ATG2B: variants seen among roughly 807,000 people sequenced by gnomAD.
The protein encoded by ATG2B is autophagy-related protein 2 homolog B.
ATG2B carries 121 observed loss-of-function variants against 241.3 expected under a neutral mutation model. That is an observed-to-expected ratio of 0.50 (90% CI 0.43 to 0.58). The LOEUF is 0.58. Ranked by LOEUF, ATG2B falls within the 20% of genes least tolerant of loss-of-function variation. The pLI is 0.00. For synonymous variants in ATG2B, 858 were observed against 876.6 expected, an observed-to-expected ratio of 0.98 and a Z score of 0.37; for missense variants, 2,306 against 2,491.6, an observed-to-expected ratio of 0.93 and a Z score of 1.59.
At chr14:96,340,731 A>G (rs1164854243) in intron 6 of ATG2B, among the ~76,000 whole-genome samples, 1 of 152,014 alleles carries the variant, frequency 6.6e-6, no homozygotes, top group Non-Finnish European at 1.5e-5. Context: ...TGGGCAACAT[A>G]GTGAGACCCT....
At chr14:96,294,811 G>C in intron 36 of ATG2B, 149 bp downstream of exon 36, 1 of 682,894 alleles carries the variant, frequency 1.5e-6, no homozygotes, top group Non-Finnish European at 2.4e-6. Flanking sequence ...AATTAGATGG[G>C]GACCACAAAC....
Position 96,281,024 on chromosome 14 carries a change from G to C in ATG2B, c.*4731C>G, listed in dbSNP as rs1159072772. The C allele has an allele frequency of 6.6e-6, 1 of 152,186 alleles. No individual in the cohort carries two copies. The highest frequency in any genetic ancestry group is 1.5e-5 in the Non-Finnish European group (1 of 68,044). The allele number at this position is 152,186 out of a possible 1,614,324, so 9.4% of individuals were successfully genotyped here. A position where few individuals can be genotyped will look rare whatever the true frequency, so the allele number is the denominator to read the frequency against. On this transcript the variant is annotated 3_prime_UTR_variant, in exon 42 of 42. Transcript: ENST00000359933. ...CTGCAAGTCCTTATTGCAGGGATAG[G>C]ATAACTAATAGAGGGACTAAAATCC...
Position 96,363,035 on chromosome 14 carries a change from G to A in ATG2B, c.-59C>T. The A allele has an allele frequency of 1.3e-6, 2 of 1,599,146 alleles. No individual in the cohort carries two copies. Among genetic ancestry groups the A allele is most frequent in the Middle Eastern group, 1.9e-4 (1 of 5,224 alleles). The stretch of plus-strand genomic sequence containing the variant: ...CGGGTTGCGACGGCTCCGGCCTCGG[G>A]GTAGCGACTCCGGCTCCAGGCCGCG... On this transcript the variant is annotated 5_prime_UTR_variant, in exon 1 of 42. Transcript: ENST00000359933.
chr14:96,325,335 TAAC>T (rs1201507046), intron 15 of ATG2B, among the ~76,000 whole-genome samples: 2 of 152,214 alleles, frequency 1.3e-5, no homozygotes, highest in East Asian at 1.9e-4. Context: ...CAGTGGCACT[TAAC>T]AAGTTCTATT....
intron 23 of ATG2B, among the ~76,000 whole-genome samples, chr14:96,313,766 C>T (rs1475321638): frequency 1.3e-5 from 2 of 152,024 alleles, no homozygotes; most frequent in African/African-American, 2.4e-5. Flanking sequence ...AATGCAGAAG[C>T]CTATCCAACA....
intron 21 of ATG2B, among the ~76,000 whole-genome samples, chr14:96,316,148 G>C (rs1413209433): frequency 6.6e-6 from 1 of 152,206 alleles, no homozygotes; most frequent in Non-Finnish European, 1.5e-5. Flanking sequence ...TAGAAACAGA[G>C]TGTAGGTTAG....
Position 96,362,933 on chromosome 14 carries a change from C to T in ATG2B, c.44G>A (p.Arg15Gln), listed in dbSNP as rs778790744. 1 of 1,613,482 alleles carries T rather than the reference C, an allele frequency of 6.2e-7. No individual in the cohort carries two copies. Among genetic ancestry groups the T allele is most frequent in the African/African-American group, 1.3e-5 (1 of 74,940 alleles). Residue 15 changes from arginine to glutamine, a missense_variant, in exon 1 of 42, where the codon CGG becomes CAG. Arg to Gln is a conservative substitution (Grantham distance 43). Around this residue, in one of 2 missense-constraint regions of ATG2B, gnomAD observed 1,927 missense variants for 2,011.2 expected, o/e 0.96. Transcript: ENST00000359933. ...FSESIKKRAC[R>Q]YLLQRYLGHF... ...GCCCAGGTACCTCTGCAGGAGGTACCGGCAGGCCCTCTTCTTGATGGACTC... is the reference window on the plus strand; with the variant it reads ...GCCCAGGTACCTCTGCAGGAGGTACTGGCAGGCCCTCTTCTTGATGGACTC...
chr14:96,301,567 A>C (rs1886791832), intron 34 of ATG2B, among the ~76,000 whole-genome samples: 1 of 152,170 alleles, frequency 6.6e-6, no homozygotes, highest in Admixed American at 6.5e-5. Context: ...GGAAAGTCTA[A>C]ATCTCTGTTG....
At chr14:96,295,773 A>C (rs1886624604) in intron 34 of ATG2B, among the ~76,000 whole-genome samples, 1 of 151,726 alleles carries the variant, frequency 6.6e-6, no homozygotes, top group African/African-American at 2.4e-5. Context: ...TTCCCTTTTA[A>C]TTCTCATAAC....
In ATG2B at chr14:96,291,682, C is replaced by T. The variant is rs1200063788; in HGVS notation, c.5497G>A (p.Gly1833Ser). Residue 1833 changes from glycine to serine, a missense_variant and splice_region_variant, in exon 38 of 42, where the codon GGT becomes AGT. By Grantham distance (56) the Gly-to-Ser change is moderately conservative. Coordinates refer to ENST00000359933, the MANE Select transcript of ATG2B (RefSeq NM_018036.7). ...CCAATCAAAATCCCAGCTAGCGTAC[C>T]CTTCAAAATTAAAAAAGGCCAAATT... ...YHGKHVSMDQ[G>S]TLAGILIGLA... is the part of the protein sequence containing the mutation. 6.2e-7 allele frequency: 1 copy of T among 1,600,634 alleles called. No individual in the cohort carries two copies. Among genetic ancestry groups the T allele is most frequent in the Non-Finnish European group, 8.5e-7 (1 of 1,171,724 alleles).
In ATG2B at chr14:96,322,755, TA is replaced by T; in HGVS notation, c.2541-21del. 2 of 1,602,580 alleles carry T rather than the reference TA, an allele frequency of 1.2e-6. No homozygotes were observed. Among genetic ancestry groups the T allele is most frequent in the Non-Finnish European group, 1.7e-6 (2 of 1,174,350 alleles). On this transcript the variant is annotated intron_variant, in intron 16 of 41. Coordinates refer to ENST00000359933, the MANE Select transcript of ATG2B (RefSeq NM_018036.7). ...ACAATTCTGATAGCAAAGACAATTT[TA>T]AAAAGACCAAGATCTAAGTGTAAAC...
At chr14:96,350,028 T>TA (rs1195202271) in intron 1 of ATG2B, among the ~76,000 whole-genome samples, 1 of 152,102 alleles carries the variant, frequency 6.6e-6, no homozygotes, top group Non-Finnish European at 1.5e-5. Context: ...TAGTGGCACA[T>TA]ACCCGTAATC....
Position 96,290,383 on chromosome 14 carries a change from A to G in ATG2B, c.5856+53T>C. ...TATCGTTTTAAAAACAAAAGGACCC[A>G]ACCATTTCACAATGGCTCTTTTTGG... On this transcript the variant is annotated intron_variant, in intron 40 of 41. Transcript: ENST00000359933. The surrounding 1 kb of genome is among the most constrained non-coding windows in gnomAD (Gnocchi z 4.4). The G allele has an allele frequency of 6.3e-7, 1 of 1,580,596 alleles. No individual in the cohort carries two copies. Among genetic ancestry groups the G allele is most frequent in the South Asian group, 1.1e-5 (1 of 87,146 alleles).
intron 6 of ATG2B, among the ~76,000 whole-genome samples, chr14:96,340,158 T>TCATATATGATATATATAA: frequency 7.0e-6 from 1 of 142,582 alleles, no homozygotes. Context: ...AATATATATA[T>TCATATATGATATATATAA]CATATATGAT....
Position 96,317,761 on chromosome 14 carries a change from T to C in ATG2B, c.2974A>G (p.Ser992Gly), listed in dbSNP as rs1294892336. 1 of 1,613,354 alleles carries C rather than the reference T, an allele frequency of 6.2e-7. No individual in the cohort carries two copies. Residue 992 changes from serine (S) to glycine (G), a missense_variant, in exon 19 of 42, where the codon AGT (serine) becomes GGT (glycine). Transcript: ENST00000359933. ...ISYGIGLSVA[S>G]QLINTFNKDS... ...TTGTTGAAAGTATTAATGAGCTGAC[T>C]GGCTACTGAAAGCCCAATGCCATAG...
intron 32 of ATG2B, among the ~76,000 whole-genome samples, 193 bp downstream of exon 32, chr14:96,304,302 T>C (rs1245112501): frequency 6.6e-6 from 1 of 152,036 alleles, no homozygotes; most frequent in Non-Finnish European, 1.5e-5. Context: ...CAAACAAAAA[T>C]AAAAGAAAAA....
At position 96,329,577 on chromosome 14, in the gene ATG2B, T is replaced by C. The variant is rs1455356959; in HGVS notation, c.1788A>G (p.Arg596=). The change falls in exon 12 of 42, where the codon CGA becomes CGG. Residue 596 remains arginine (R), a synonymous_variant. Coordinates refer to ENST00000359933, the MANE Select transcript of ATG2B (RefSeq NM_018036.7). ...SYEQRQRSAS[R]YFSTDMSIGQ... ...CAATGGACATATCAGTACTAAAATA[T>C]CGGGAAGCTGATCTTTGTCTTTGTT... 3 of 1,611,362 alleles carry C rather than the reference T, an allele frequency of 1.9e-6. No homozygotes were observed. The highest frequency in any genetic ancestry group is 2.5e-6 in the Non-Finnish European group (3 of 1,177,812).
rs553355852 is a variant in ATG2B at position 96,300,617 on chromosome 14, G to A, written c.5139+1390C>T. Reference sequence around the variant, plus strand: ...CAAAGTCTTGTTCACACTGGTGATCGCCACAGATCAATTTTCCCACAAATA... The same window carrying A: ...CAAAGTCTTGTTCACACTGGTGATCACCACAGATCAATTTTCCCACAAATA... On this transcript the variant is annotated intron_variant, in intron 34 of 41. Coordinates refer to ENST00000359933, the MANE Select transcript of ATG2B (RefSeq NM_018036.7). Among the ~76,000 whole-genome samples the A allele has an allele frequency of 3.9e-5, 6 of 152,270 alleles. No homozygotes were observed. The South Asian group carries it at 1.2e-3, about 32-fold the overall frequency.
chr14:96,351,864 T>C (rs1462671327), intron 1 of ATG2B, among the ~76,000 whole-genome samples: 1 of 143,678 alleles, frequency 7.0e-6, no homozygotes, highest in East Asian at 2.0e-4. Flanking sequence ...GATCACCCAC[T>C]GCACCCAAGC....
Sources: gnomAD v4.1 joint callset for allele counts (sites outside exome capture counted in the v4.1 genomes callset) on GRCh38, gnomAD v4.1.1 for gene constraint, gnomAD v4.1.1 regional missense constraint, Gnocchi (gnomAD v3.1) non-coding constraint, MANE v1.5 for transcripts, NCBI Gene and HGNC (gene_info 2026-07-23, HGNC 2026-07-21) for gene names.